GALNT16: variants seen among roughly 807,000 people sequenced by gnomAD.
GALNT16 encodes the protein polypeptide N-acetylgalactosaminyltransferase 16.
Under a neutral mutation model 76.1 loss-of-function variants are expected in GALNT16, and 40 were observed. That is an observed-to-expected ratio of 0.53 (90% CI 0.41 to 0.68). GALNT16 has a LOEUF of 0.68. Among genes scored for constraint, GALNT16 ranks in the 30% least tolerant of loss-of-function variants. The probability of loss-of-function intolerance (pLI) is 0.00; values close to 1 mark genes in which losing one functional copy is unlikely to be tolerated. For missense variants in GALNT16, 621 were observed against 731.9 expected (o/e 0.85, Z 1.75); for synonymous variants, 276 against 285.2 (o/e 0.97, Z 0.32).
At chr14:69,364,353 T>G in the GALNT16 span, among the ~76,000 whole-genome samples, 1 of 152,204 alleles carries the variant, frequency 6.6e-6, no homozygotes, top group Non-Finnish European at 1.5e-5. The surrounding 1 kb of genome is among the most constrained non-coding windows in gnomAD (Gnocchi z 4.2). Flanking sequence ...AATCAGTGCT[T>G]GATTAAACAG....
intron 1 of GALNT16, among the ~76,000 whole-genome samples, chr14:69,263,095 G>C (rs2044298360): frequency 1.3e-5 from 2 of 152,044 alleles, no homozygotes; most frequent in African/African-American, 4.8e-5. Context: ...GCCCAGGCTG[G>C]TCTCAAACTC....
chr14:69,364,420 G>T, the GALNT16 span, among the ~76,000 whole-genome samples: 1 of 152,168 alleles, frequency 6.6e-6, no homozygotes, highest in East Asian at 1.9e-4. This position sits in a 1 kb window ranked among gnomAD's most constrained non-coding sequence, Gnocchi z 4.2. Flanking sequence ...CATACAGATG[G>T]GGATGCATCT....
chr14:69,307,867 G>A (rs915083481), intron 1 of GALNT16, among the ~76,000 whole-genome samples: 1 of 152,198 alleles, frequency 6.6e-6, no homozygotes, highest in Non-Finnish European at 1.5e-5. Flanking sequence ...TACAGGTGAG[G>A]AAAGGCTTGG....
chr14:69,374,326 C>T, the GALNT16 span, among the ~76,000 whole-genome samples: 1 of 152,212 alleles, frequency 6.6e-6, no homozygotes, highest in Non-Finnish European at 1.5e-5. Context: ...TGTTATACTG[C>T]TTCATGTACT....
At chr14:69,372,223 T>C in the GALNT16 span, among the ~76,000 whole-genome samples, 1 of 151,848 alleles carries the variant, frequency 6.6e-6, no homozygotes, top group East Asian at 1.9e-4. Flanking sequence ...TCAAAGCTGG[T>C]GATGGGCAGG....
At chr14:69,371,535 C>T in the GALNT16 span, among the ~76,000 whole-genome samples, 30 of 151,898 alleles carry the variant, frequency 2.0e-4, no homozygotes, top group East Asian at 5.5e-3. Flanking sequence ...GGATTACAGG[C>T]GTTAGCCACC....
rs2045643920 is a variant in GALNT16 at position 69,352,036 on chromosome 14, G to A, written c.1545G>A (p.Trp515Ter). 6.2e-7 allele frequency: 1 copy of A among 1,610,868 alleles called. No individual in the cohort carries two copies. The highest frequency in any genetic ancestry group is 1.3e-5 in the African/African-American group (1 of 74,796). The stretch of plus-strand genomic sequence containing the variant: ...CCCATCTCTGTTCCTCCTAGAAATG[G>A]AGGAGAAAAGGATCTTTCATCCAGC... Reference protein sequence around the residue: ...MCNPREGKQKWRRKGSFIQHS... With the variant: ...MCNPREGKQK The change falls in exon 15 of 15, where the codon TGG becomes TGA. Residue 515 changes from tryptophan to a stop codon, truncating the protein, a stop_gained. Transcript: ENST00000448469. LOFTEE classifies it high-confidence loss of function.
At position 69,260,253 on chromosome 14, in the gene GALNT16, C is replaced by G. The variant is rs764237985; in HGVS notation, c.-38C>G. On this transcript the variant is annotated 5_prime_UTR_variant, in exon 1 of 15. Transcript: ENST00000448469. The stretch of plus-strand genomic sequence containing the variant: ...CCCCGCCCCGGCCCCGAGAGCACGC[C>G]GGCCCAGTCCCCCACCTGGGGCGCC... 27 of 1,593,360 alleles carry G rather than the reference C, an allele frequency of 1.7e-5. No homozygotes were observed. The highest frequency in any genetic ancestry group is 1.8e-5 in the Non-Finnish European group (21 of 1,163,740).
intron 1 of GALNT16, among the ~76,000 whole-genome samples, chr14:69,281,626 T>A (rs1200760982): frequency 6.6e-6 from 1 of 152,164 alleles, no homozygotes; most frequent in African/African-American, 2.4e-5. Context: ...GCTGCATCCC[T>A]GTGTAGTCAT....
At chr14:69,306,904 A>C (rs1159167331) in intron 1 of GALNT16, among the ~76,000 whole-genome samples, 1 of 152,238 alleles carries the variant, frequency 6.6e-6, no homozygotes, top group African/African-American at 2.4e-5. Flanking sequence ...AATTTAATGC[A>C]GTATTCAAAG....
intron 2 of GALNT16, among the ~76,000 whole-genome samples, chr14:69,322,212 C>A (rs2124190): frequency 0.17 from 26,172 of 152,256 alleles, 3,186 homozygotes; most frequent in East Asian, 0.5. Flanking sequence ...GGCAAGGACA[C>A]CACCAGGCCT....
chr14:69,336,460 T>C (rs897714778), intron 9 of GALNT16, among the ~76,000 whole-genome samples: 24 of 152,234 alleles, frequency 1.6e-4, no homozygotes, highest in Non-Finnish European at 2.9e-4. Flanking sequence ...TCTAGGGACC[T>C]GCCCTTGCCG....
At chr14:69,328,701 CT>C (rs2045317018) in intron 6 of GALNT16, 130 bp downstream of exon 6, 2 of 829,590 alleles carry the variant, frequency 2.4e-6, no homozygotes, top group Middle Eastern at 3.4e-4. Context: ...CTACTTCCCC[CT>C]GAGTGACTTC....
At chr14:69,264,909 G>T (rs1394839289) in intron 1 of GALNT16, among the ~76,000 whole-genome samples, 1 of 142,856 alleles carries the variant, frequency 7.0e-6, no homozygotes, top group African/African-American at 2.7e-5. Flanking sequence ...CACCTCCTGG[G>T]CTCAAGCGAT....
intron 5 of GALNT16, among the ~76,000 whole-genome samples, chr14:69,327,917 C>T (rs1250280952): frequency 1.3e-5 from 2 of 152,188 alleles, no homozygotes; most frequent in African/African-American, 4.8e-5. Flanking sequence ...TTGTTTGATC[C>T]TGACAGTCAG....
chr14:69,287,563 C>T (rs752632852), intron 1 of GALNT16, among the ~76,000 whole-genome samples: 1 of 152,202 alleles, frequency 6.6e-6, no homozygotes, highest in Non-Finnish European at 1.5e-5. Context: ...GGTACCTGCT[C>T]CCTCCCTTAC....
chr14:69,385,487 T>C, the GALNT16 span, among the ~76,000 whole-genome samples: 1 of 152,040 alleles, frequency 6.6e-6, no homozygotes, highest in Non-Finnish European at 1.5e-5. Context: ...GATTGAACTG[T>C]CCAAGAGCCA....
intron 1 of GALNT16, among the ~76,000 whole-genome samples, chr14:69,279,300 T>C (rs1401937300): frequency 9.9e-5 from 15 of 152,254 alleles, no homozygotes. Flanking sequence ...TTAAAAATAC[T>C]TCATTAAAAT....
chr14:69,272,983 G>A (rs1251566201), intron 1 of GALNT16, among the ~76,000 whole-genome samples: 2 of 152,216 alleles, frequency 1.3e-5, no homozygotes, highest in Non-Finnish European at 2.9e-5. Flanking sequence ...GAATGGATAA[G>A]GAATGCATGA....
Sources: allele counts gnomAD v4.1 joint callset (sites outside exome capture counted in the v4.1 genomes callset), GRCh38; gene constraint gnomAD v4.1.1; non-coding constraint Gnocchi (gnomAD v3.1); transcripts MANE v1.5; gene names NCBI Gene and HGNC (gene_info 2026-07-23, HGNC 2026-07-21).